UQCC6: variants seen among roughly 807,000 people sequenced by gnomAD.
UQCC6 encodes the protein ubiquinol-cytochrome c reductase complex assembly factor 6.
the UQCC6 span, chr12:103,954,724 G>A: frequency 2.0e-6 from 1 of 499,444 alleles, no homozygotes; most frequent in African/African-American, 2.0e-5. Flanking sequence ...CACCAAACAA[G>A]AAACAGTAGT....
At chr12:103,956,730 C>G in the UQCC6 span, 3 of 1,551,040 alleles carry the variant, frequency 1.9e-6, no homozygotes, top group Non-Finnish European at 2.6e-6. Flanking sequence ...TGGGCACGCC[C>G]GCGGGCATGG....
chr12:103,959,481 G>A, the UQCC6 span, among the ~76,000 whole-genome samples: 1 of 152,088 alleles, frequency 6.6e-6, no homozygotes, highest in Non-Finnish European at 1.5e-5. Flanking sequence ...GGGAGGCCGA[G>A]GCAGGCGGAT....
the UQCC6 span, chr12:103,956,765 G>C: frequency 5.4e-6 from 8 of 1,490,050 alleles, no homozygotes; most frequent in Non-Finnish European, 6.4e-6. Flanking sequence ...GGGGAAGGAA[G>C]GGGCAGTGTC....
chr12:103,960,252 T>TA, the UQCC6 span, among the ~76,000 whole-genome samples: 1 of 152,122 alleles, frequency 6.6e-6, no homozygotes, highest in Admixed American at 6.5e-5. Flanking sequence ...TATATTTTTT[T>TA]AGTAGAGACG....
the UQCC6 span, among the ~76,000 whole-genome samples, chr12:103,961,889 A>G: frequency 6.6e-6 from 1 of 151,998 alleles, no homozygotes; most frequent in African/African-American, 2.4e-5. Flanking sequence ...TACCTTTCCT[A>G]TGTTTAGATA....
the UQCC6 span, chr12:103,955,901 A>T: frequency 2.3e-6 from 1 of 432,332 alleles, no homozygotes; most frequent in South Asian, 1.6e-5. Flanking sequence ...AATTAATTTA[A>T]ATTTCTCCTT....
the UQCC6 span, among the ~76,000 whole-genome samples, chr12:103,957,916 TTAAA>T: frequency 9.6e-5 from 14 of 145,780 alleles, no homozygotes; most frequent in Middle Eastern, 3.6e-3. Flanking sequence ...ATATATATTT[TTAAA>T]TATATATTTT....
At chr12:103,960,805 T>C in the UQCC6 span, among the ~76,000 whole-genome samples, 1 of 152,222 alleles carries the variant, frequency 6.6e-6, no homozygotes, top group Non-Finnish European at 1.5e-5. Context: ...GTGGTGATGC[T>C]GGTGTAAACA....
At chr12:103,956,017 C>G in the UQCC6 span, among the ~76,000 whole-genome samples, 176 of 152,302 alleles carry the variant, frequency 1.2e-3, no homozygotes, top group African/African-American at 4.2e-3. Context: ...CAGACATAGT[C>G]TGGAGCTTAC....
chr12:103,952,658 C>A, the UQCC6 span, among the ~76,000 whole-genome samples: 1 of 152,234 alleles, frequency 6.6e-6, no homozygotes, highest in African/African-American at 2.4e-5. Flanking sequence ...CTTTCAATTT[C>A]TCCACATCCT....
chr12:103,954,725 A>G, the UQCC6 span: 1 of 504,992 alleles, frequency 2.0e-6, no homozygotes, highest in Non-Finnish European at 3.5e-6. Context: ...ACCAAACAAG[A>G]AACAGTAGTT....
the UQCC6 span, among the ~76,000 whole-genome samples, chr12:103,952,635 AC>A: frequency 6.6e-6 from 1 of 152,228 alleles, no homozygotes; most frequent in Non-Finnish European, 1.5e-5. Context: ...ATTCCCATCA[AC>A]AATGCGTGAG....
At chr12:103,959,740 T>A in the UQCC6 span, among the ~76,000 whole-genome samples, 1 of 151,066 alleles carries the variant, frequency 6.6e-6, no homozygotes, top group Non-Finnish European at 1.5e-5. Context: ...TTAACTTTTT[T>A]AAAAAAGAAA....
At chr12:103,957,276 C>T in the UQCC6 span, 3 of 151,844 alleles carry the variant, frequency 2.0e-5, no homozygotes, top group South Asian at 6.2e-4. Context: ...GCACGTGACG[C>T]AGAGGAGGTG....
At chr12:103,955,750 T>C in the UQCC6 span, 11 of 455,882 alleles carry the variant, frequency 2.4e-5, no homozygotes, top group Non-Finnish European at 4.9e-5. Flanking sequence ...CCCAACATTG[T>C]GCTCCAAACC....
At chr12:103,960,517 T>A in the UQCC6 span, among the ~76,000 whole-genome samples, 42 of 152,312 alleles carry the variant, frequency 2.8e-4, no homozygotes, top group African/African-American at 9.4e-4. Context: ...TGGTTCCTCA[T>A]TTTGGTTTTA....
chr12:103,955,722 C>T, the UQCC6 span: 1 of 455,468 alleles, frequency 2.2e-6, no homozygotes, highest in Non-Finnish European at 4.4e-6. Flanking sequence ...AGGCAGAGTC[C>T]AAACAGAAAT....
chr12:103,951,693 T>C, the UQCC6 span: 2 of 913,792 alleles, frequency 2.2e-6, no homozygotes, highest in Non-Finnish European at 3.4e-6. Flanking sequence ...TAATTCAATG[T>C]AACCTAGAAG....
the UQCC6 span, among the ~76,000 whole-genome samples, chr12:103,965,347 C>T: frequency 6.6e-6 from 1 of 152,196 alleles, no homozygotes. Context: ...TTAATATTCT[C>T]ATATATCCAA....
Sources: allele counts gnomAD v4.1 joint callset (sites outside exome capture counted in the v4.1 genomes callset), GRCh38; gene constraint gnomAD v4.1.1; transcripts MANE v1.5; gene names NCBI Gene and HGNC (gene_info 2026-07-23, HGNC 2026-07-21).